The following SRRM2 variants were observed in gnomAD, a reference collection of about 807,000 sequenced individuals.
SRRM2 encodes the protein serine/arginine repetitive matrix 2, also known as serine/arginine repetitive matrix protein 2.
Under a neutral mutation model 213.8 loss-of-function variants are expected in SRRM2, and 30 were observed. The observed-to-expected ratio is 0.14, with a 90% CI of 0.10 to 0.19. SRRM2 has a LOEUF of 0.19. Ranked by LOEUF, SRRM2 falls within the 10% of genes least tolerant of loss-of-function variation. SRRM2 has a pLI of 1.00. For missense variants in SRRM2, 4,904 were observed against 3,647.0 expected (o/e 1.34, Z -8.88); for synonymous variants, 2,025 against 1,377.7 (o/e 1.47, Z -10.40).
In SRRM2 at chr16:2,767,500, C is replaced by T. The variant is rs752087779; in HGVS notation, c.6972C>T (p.Pro2324=). ...CACCACCAACTGCTGCAAACTATCC[C>T]TCCAGCTCCAGAACACCACAGGCTC... is the stretch of plus-strand genomic sequence containing the variant. ...SGTPPTAANY[P]SSSRTPQAPA... The change falls in exon 11 of 15, where the codon CCC becomes CCT. Residue 2324 remains proline (P), a synonymous_variant. Transcript: ENST00000301740. 6.1e-5 allele frequency: 98 copies of T among 1,614,092 alleles called. 2 individuals are homozygous for T. The South Asian group carries it at 9.0e-4, about 15-fold the overall frequency.
Position 2,766,300 on chromosome 16 carries a change from A to T in SRRM2, c.5772A>T (p.Arg1924Ser). ...CCCCAGTGAGCAGAAGGCGATCCAG[A>T]TCCAGAACGCCACCAGTAACCCGCC... ...RASPVSRRRS[R>S]SRTPPVTRRR... is the part of the protein sequence containing the mutation. The change falls in exon 11 of 15, where the codon AGA becomes AGT. Residue 1924 changes from arginine to serine, a missense_variant. By Grantham distance (110) the Arg-to-Ser change is moderately radical (BLOSUM62 -1). Coordinates refer to ENST00000301740, the MANE Select transcript of SRRM2 (RefSeq NM_016333.4). The surrounding 1 kb of genome is among the most constrained non-coding windows in gnomAD (Gnocchi z 7.0). 1.2e-6 allele frequency: 2 copies of T among 1,614,118 alleles called. No homozygotes were observed. The highest frequency in any genetic ancestry group is 4.5e-5 in the East Asian group (2 of 44,876).
At position 2,771,187 on chromosome 16, in the gene SRRM2, C is replaced by G; in HGVS notation, c.*320C>G. 1 of 631,006 alleles carries G rather than the reference C, an allele frequency of 1.6e-6. No homozygotes were observed. 39.1% of individuals were successfully genotyped at this position (631,006 alleles called of 1,614,324 possible). ...CAGGGAGGCATGGCCCCACTTGTAT[C>G]CAGAAGTTCCCAGGGGTGATTGTGA... On this transcript the variant is annotated 3_prime_UTR_variant, in exon 15 of 15. Coordinates refer to ENST00000301740, the MANE Select transcript of SRRM2 (RefSeq NM_016333.4).
Position 2,767,484 on chromosome 16 carries a change from C to T in SRRM2, c.6956C>T (p.Thr2319Ile). 1.2e-6 allele frequency: 2 copies of T among 1,614,222 alleles called. No homozygotes were observed. Among genetic ancestry groups the T allele is most frequent in the South Asian group, 1.1e-5 (1 of 91,088 alleles). ...CTCACAGGCTCTGGCACACCACCAA[C>T]TGCTGCAAACTATCCCTCCAGCTCC... ...LSLTGSGTPP[T>I]AANYPSSSRT... is the part of the protein sequence containing the mutation. Residue 2319 changes from threonine to isoleucine, a missense_variant, in exon 11 of 15, where the codon ACT becomes ATT. Transcript: ENST00000301740.
At chr16:2,759,908 T>G in intron 9 of SRRM2, 1 of 528,264 alleles carries the variant, frequency 1.9e-6, no homozygotes, top group Non-Finnish European at 3.4e-6. Flanking sequence ...ACTGCCAGAA[T>G]AGGGGGGGTG....
At position 2,761,768 on chromosome 16, in the gene SRRM2, C is replaced by G. The variant is rs1286442149; in HGVS notation, c.1240C>G (p.Gln414Glu). The change falls in exon 11 of 15, where the codon CAG becomes GAG. Residue 414 changes from glutamine (Q) to glutamate (E), a missense_variant. Gln to Glu is a conservative substitution (Grantham distance 29, BLOSUM62 2). Transcript: ENST00000301740. ...ACCTAAGTCTCCCGAGAAACTTCCC[C>G]AGTCTTCTTCCTCAGAGAGCAGCCC... ...SPPKSPEKLP[Q>E]SSSSESSPPS... is the part of the protein sequence containing the mutation. The G allele has an allele frequency of 1.2e-6, 2 of 1,613,434 alleles. No homozygotes were observed. The highest frequency in any genetic ancestry group is 3.3e-5 in the Admixed American group (2 of 59,888).
In SRRM2 at chr16:2,767,843, C is replaced by T. The variant is rs1271228049; in HGVS notation, c.7315C>T (p.Leu2439Phe). 12 of 1,613,990 alleles carry T rather than the reference C, an allele frequency of 7.4e-6. No homozygotes were observed. The highest frequency in any genetic ancestry group is 1.3e-5 in the African/African-American group (1 of 74,892). The change falls in exon 11 of 15, where the codon CTT becomes TTT. Residue 2439 changes from leucine to phenylalanine, a missense_variant. By Grantham distance (22) the Leu-to-Phe change is conservative. Coordinates refer to ENST00000301740, the MANE Select transcript of SRRM2 (RefSeq NM_016333.4). ...AATGGGCCAGGCTCCTTCACAGTCTCTTCTCCCTCCAGCACAGGATCAGCC... is the reference window on the plus strand; with the variant it reads ...AATGGGCCAGGCTCCTTCACAGTCTTTTCTCCCTCCAGCACAGGATCAGCC... ...SRMGQAPSQS[L>F]LPPAQDQPRS...
In SRRM2 at chr16:2,756,340, T is replaced by G; in HGVS notation, c.-25T>G. ...TCTCCCCGCTCCCCCTCAGGAGCGG[T>G]GGTGCCCCCCCCGGGCACGGGGCCA... On this transcript the variant is annotated 5_prime_UTR_variant, in exon 2 of 15. Transcript: ENST00000301740. 6.3e-7 allele frequency: 1 copy of G among 1,578,250 alleles called. No individual in the cohort carries two copies. Among genetic ancestry groups the G allele is most frequent in the Non-Finnish European group, 8.6e-7 (1 of 1,166,470 alleles).
intron 10 of SRRM2, among the ~76,000 whole-genome samples, chr16:2,761,146 C>G (rs377558229): frequency 1.3e-5 from 2 of 152,336 alleles, no homozygotes; most frequent in East Asian, 1.9e-4. Context: ...TGCTTTTTTA[C>G]TCTTCACACA....
At chr16:2,758,832 A>G (rs1173788689) in intron 5 of SRRM2, 153 bp from the exon 6 acceptor site, 1 of 815,526 alleles carries the variant, frequency 1.2e-6, no homozygotes, top group Non-Finnish European at 1.9e-6. Flanking sequence ...TGCTTGTTGG[A>G]GAAAGAAGAA....
rs1223376598 is a variant in SRRM2, at chr16:2,761,788, C to T, written c.1260C>T (p.Ser420=). The part of the protein sequence containing the change: ...EKLPQSSSSE[S]SPPSPQPTKV... ...TTCCCCAGTCTTCTTCCTCAGAGAG[C>T]AGCCCACCATCCCCTCAACCTACCA... The change falls in exon 11 of 15, where the codon AGC becomes AGT. Residue 420 remains serine, a synonymous_variant. Coordinates refer to ENST00000301740, the MANE Select transcript of SRRM2 (RefSeq NM_016333.4). 1 of 1,613,942 alleles carries T rather than the reference C, an allele frequency of 6.2e-7. No homozygotes were observed. Among genetic ancestry groups the T allele is most frequent in the Non-Finnish European group, 8.5e-7 (1 of 1,179,948 alleles).
intron 4 of SRRM2, among the ~76,000 whole-genome samples, chr16:2,758,216 G>T (rs1313215114): frequency 2.0e-5 from 3 of 152,002 alleles, no homozygotes; most frequent in African/African-American, 7.2e-5. Flanking sequence ...TCTACAAAAA[G>T]AAAAAAAGCT....
rs1161618278 is a variant in SRRM2, at chr16:2,758,453, T to C, written c.516-17T>C. On this transcript the variant is annotated splice_polypyrimidine_tract_variant and intron_variant, in intron 4 of 14. Transcript: ENST00000301740. The stretch of plus-strand genomic sequence containing the variant: ...TTGTTCTACCACCCATCTCTGCTGC[T>C]TTTCATTTTTCCCTAGCCTTGTTCG... 1.2e-6 allele frequency: 2 copies of C among 1,608,082 alleles called. No homozygotes were observed. The highest frequency in any genetic ancestry group is 1.3e-5 in the African/African-American group (1 of 74,796).
In SRRM2 at chr16:2,761,963, C is replaced by T. The variant is rs182545398; in HGVS notation, c.1435C>T (p.Arg479Cys). 7 of 1,614,070 alleles carry T rather than the reference C, an allele frequency of 4.3e-6. No homozygotes were observed. The African/African-American group carries it at 5.3e-5, about 12-fold the overall frequency. ...TAAATCACATTCTCATACCCCCTCC[C>T]GTAGGATGGGGAGGTCCCGTAGCCC... ...RDKSHSHTPS[R>C]RMGRSRSPAT... is the part of the protein sequence containing the mutation. The change falls in exon 11 of 15, where the codon CGT (arginine) becomes TGT (cysteine). Residue 479 changes from arginine to cysteine, a missense_variant. Physicochemically the swap from Arg to Cys is radical, Grantham distance 180. Coordinates refer to ENST00000301740, the MANE Select transcript of SRRM2 (RefSeq NM_016333.4).
rs1310088929 is a variant in SRRM2 at position 2,765,666 on chromosome 16, C to T, written c.5138C>T (p.Ser1713Leu). 1.2e-6 allele frequency: 2 copies of T among 1,614,166 alleles called. No homozygotes were observed. Among genetic ancestry groups the T allele is most frequent in the Non-Finnish European group, 1.7e-6 (2 of 1,180,004 alleles). The change falls in exon 11 of 15, where the codon TCA (serine) becomes TTA (leucine). Residue 1713 changes from serine to leucine, a missense_variant. Transcript: ENST00000301740. ...CGTAGAAGCCGCTCTGCCTCATCCTCACCAGAAACTCGCTCTAGAACTCCC... is the reference window on the plus strand; with the variant it reads ...CGTAGAAGCCGCTCTGCCTCATCCTTACCAGAAACTCGCTCTAGAACTCCC... ...LSRRSRSASS[S>L]PETRSRTPPR...
chr16:2,753,221 C>CG (rs925523275), intron 1 of SRRM2, among the ~76,000 whole-genome samples: 20 of 152,200 alleles, frequency 1.3e-4, no homozygotes, highest in Non-Finnish European at 2.8e-4. Context: ...GGGGCGGCGG[C>CG]GGGGGGCTTG....
At position 2,761,756 on chromosome 16, in the gene SRRM2, G is replaced by C. The variant is rs150549403; in HGVS notation, c.1228G>C (p.Glu410Gln). 1.6e-5 allele frequency: 25 copies of C among 1,612,698 alleles called. No individual in the cohort carries two copies. The highest frequency in any genetic ancestry group is 2.7e-5 in the African/African-American group (2 of 74,684). The part of the protein sequence containing the change: ...TRDRSPPKSP[E>Q]KLPQSSSSES... The stretch of plus-strand genomic sequence containing the variant: ...GGACCGTTCACCACCTAAGTCTCCC[G>C]AGAAACTTCCCCAGTCTTCTTCCTC... The change falls in exon 11 of 15, where the codon GAG becomes CAG. Residue 410 changes from glutamate to glutamine, a missense_variant. Physicochemically the swap from Glu to Gln is conservative, Grantham distance 29. Coordinates refer to ENST00000301740, the MANE Select transcript of SRRM2 (RefSeq NM_016333.4).
chr16:2,761,944 A>C lies in SRRM2; in HGVS notation c.1416A>C (p.Ser472=), dbSNP rs750601962. The change falls in exon 11 of 15, where the codon TCA becomes TCC. Residue 472 remains serine, a synonymous_variant. Coordinates refer to ENST00000301740, the MANE Select transcript of SRRM2 (RefSeq NM_016333.4). ...RSHGRAKRDK[S]HSHTPSRRMG... The stretch of plus-strand genomic sequence containing the variant: ...ATGGCCGAGCAAAACGGGATAAATC[A>C]CATTCTCATACCCCCTCCCGTAGGA... The C allele has an allele frequency of 1.9e-6, 3 of 1,613,896 alleles. No individual in the cohort carries two copies. Among genetic ancestry groups the C allele is most frequent in the Non-Finnish European group, 1.7e-6 (2 of 1,180,004 alleles).
At position 2,762,263 on chromosome 16, in the gene SRRM2, G is replaced by A; in HGVS notation, c.1735G>A (p.Ala579Thr). The change falls in exon 11 of 15, where the codon GCC becomes ACC. Residue 579 changes from alanine (A) to threonine (T), a missense_variant. Transcript: ENST00000301740. Reference sequence around the variant, plus strand: ...GGGTAGATCTCGTTCTAGAACACCAGCCCGCCGGGGCAGGTCCCGCTCTAG... The same window carrying A: ...GGGTAGATCTCGTTCTAGAACACCAACCCGCCGGGGCAGGTCCCGCTCTAG... Reference protein sequence around the residue: ...TRGRSRSRTPARRGRSRSRTP... With the variant: ...TRGRSRSRTPTRRGRSRSRTP... The A allele has an allele frequency of 6.2e-7, 1 of 1,604,388 alleles. No homozygotes were observed. The highest frequency in any genetic ancestry group is 8.5e-7 in the Non-Finnish European group (1 of 1,176,650).
chr16:2,768,014 G>C lies in SRRM2; in HGVS notation c.7486G>C (p.Val2496Leu). Reference sequence around the variant, plus strand: ...TGGTGATCACAATGGCATGCTCTCTGTCCCTGCCCCTGGGGTGCCCCACTC... The same window carrying C: ...TGGTGATCACAATGGCATGCTCTCTCTCCCTGCCCCTGGGGTGCCCCACTC... ...SAGDHNGMLSVPAPGVPHSDV... is the reference protein window; with the variant it reads ...SAGDHNGMLSLPAPGVPHSDV... Residue 2496 changes from valine (V) to leucine (L), a missense_variant, in exon 11 of 15, where the codon GTC becomes CTC. Val to Leu is a conservative substitution (Grantham distance 32). Transcript: ENST00000301740. The C allele has an allele frequency of 6.2e-7, 1 of 1,614,158 alleles. No individual in the cohort carries two copies. Among genetic ancestry groups the C allele is most frequent in the South Asian group, 1.1e-5 (1 of 91,082 alleles).
Sources: gnomAD v4.1 joint callset for allele counts (sites outside exome capture counted in the v4.1 genomes callset) on GRCh38, gnomAD v4.1.1 for gene constraint, Gnocchi (gnomAD v3.1) non-coding constraint, MANE v1.5 for transcripts, NCBI Gene and HGNC (gene_info 2026-07-23, HGNC 2026-07-21) for gene names.